TMEM234: variants seen among roughly 807,000 people sequenced by gnomAD.
The protein encoded by TMEM234 is transmembrane protein 234, also known as chromosome 1 open reading frame 91.
A neutral mutation model predicts 17.8 loss-of-function variants in TMEM234; 21 were observed. The ratio of observed to expected loss-of-function variants is 1.18; its 90% CI spans 0.84 to 1.70. TMEM234 has a LOEUF of 1.70. Ranked by LOEUF, TMEM234 falls within the 40% of genes most tolerant of loss-of-function variation. The pLI, the probability that TMEM234 is intolerant of heterozygous loss-of-function variation, is 0.00. For missense variants in TMEM234, 137 were observed against 166.9 expected (o/e 0.82, Z 0.99); for synonymous variants, 83 against 73.5 (o/e 1.13, Z -0.66).
intron 3 of TMEM234, among the ~76,000 whole-genome samples, chr1:32,217,752 A>G (rs1569805123): frequency 2.0e-5 from 3 of 152,224 alleles, no homozygotes; most frequent in African/African-American, 4.8e-5. Context: ...CTTTGTGTAC[A>G]TATCTCAGTT....
rs79700000 is a variant in TMEM234 at position 32,217,346 on chromosome 1, T to A, written c.241A>T (p.Thr81Ser). ...YYLTLASTDL[T>S]LAVPICNSLA... Reference sequence around the variant, plus strand: ...GAGTTACAGATGGGCACAGCCAGGGTCAGATCTGGGTGGTCAGAATGAAAA... The same window carrying A: ...GAGTTACAGATGGGCACAGCCAGGGACAGATCTGGGTGGTCAGAATGAAAA... The change falls in exon 4 of 5, where the codon ACC becomes TCC. Residue 81 changes from threonine (T) to serine (S), a missense_variant. Transcript: ENST00000309777. 1.1e-5 allele frequency: 18 copies of A among 1,608,998 alleles called. No homozygotes were observed. The highest frequency in any genetic ancestry group is 5.3e-5 in the African/African-American group (4 of 74,832).
At chr1:32,220,048 A>G (rs1194481598) in intron 3 of TMEM234, among the ~76,000 whole-genome samples, 1 of 152,190 alleles carries the variant, frequency 6.6e-6, no homozygotes, top group Non-Finnish European at 1.5e-5. Flanking sequence ...AGAACCTAAA[A>G]CTGCAATTTG....
At chr1:32,220,993 A>G (rs3738001) in intron 3 of TMEM234, 138 bp downstream of exon 3, 92,580 of 662,846 alleles carry the variant, frequency 0.14, 11,467 homozygotes, top group African/African-American at 0.48. Context: ...AGAGAAGAGG[A>G]TAGTAAGAGG....
At position 32,216,732 on chromosome 1, in the gene TMEM234, C is replaced by A; in HGVS notation, c.*121G>T. ...TGATCCATGAGGTAGCTGTTATCCC[C>A]ATAAGAGAGGAGGAAGCTAAGGCCA... is the stretch of plus-strand genomic sequence containing the variant. On this transcript the variant is annotated 3_prime_UTR_variant, in exon 5 of 5. Coordinates refer to ENST00000309777, the MANE Select transcript of TMEM234 (RefSeq NM_019118.5). The A allele has an allele frequency of 6.6e-7, 1 of 1,516,204 alleles. No homozygotes were observed. Among genetic ancestry groups the A allele is most frequent in the East Asian group, 2.4e-5 (1 of 40,922 alleles). 93.9% of individuals were successfully genotyped at this position (1,516,204 alleles called of 1,614,324 possible). A position where few individuals can be genotyped will look rare whatever the true frequency, so the allele number is the denominator to read the frequency against.
At position 32,216,708 on chromosome 1, in the gene TMEM234, G is replaced by A; in HGVS notation, c.*145C>T. On this transcript the variant is annotated 3_prime_UTR_variant, in exon 5 of 5. Coordinates refer to ENST00000309777, the MANE Select transcript of TMEM234 (RefSeq NM_019118.5). ...TCTTTCACTCTTGTTCTCTTATTGT[G>A]ATCCATGAGGTAGCTGTTATCCCCA... The A allele has an allele frequency of 6.7e-7, 1 of 1,497,294 alleles. No individual in the cohort carries two copies. 92.8% of individuals were successfully genotyped at this position (1,497,294 alleles called of 1,614,324 possible). A position where few individuals can be genotyped will look rare whatever the true frequency, so the allele number is the denominator to read the frequency against.
chr1:32,214,727 C>G (rs1159389862), downstream of TMEM234: 6 of 1,592,826 alleles, frequency 3.8e-6, no homozygotes, highest in Non-Finnish European at 5.1e-6. Context: ...CTCTCTGAAG[C>G]CTGAACTGGG....
chr1:32,218,631 C>T (rs1213812125), intron 3 of TMEM234, among the ~76,000 whole-genome samples: 2 of 151,894 alleles, frequency 1.3e-5, no homozygotes, highest in African/African-American at 4.8e-5. Context: ...GGAGAAACCC[C>T]GTCTCTACTG....
At chr1:32,217,460 C>T (rs1226778763) in intron 3 of TMEM234, 109 bp from the exon 4 acceptor site, 2 of 1,557,636 alleles carry the variant, frequency 1.3e-6, no homozygotes, top group Admixed American at 3.9e-5. Context: ...ATCAAAACCC[C>T]ATCTTCCAGA....
At chr1:32,219,112 CAA>C (rs59104994) in intron 3 of TMEM234, among the ~76,000 whole-genome samples, 14 of 71,788 alleles carry the variant, frequency 2.0e-4, no homozygotes, top group Non-Finnish European at 1.9e-4. Flanking sequence ...AATGCCGTCT[CAA>C]AAAAAAAAAA....
chr1:32,215,979 GAGCC>G, downstream of TMEM234: 1 of 1,203,810 alleles, frequency 8.3e-7, no homozygotes, highest in Non-Finnish European at 1.2e-6. Context: ...TGTTCCTCAG[GAGCC>G]AGCACCTCCG....
At chr1:32,221,236 G>A in intron 2 of TMEM234, 39 bp from the exon 3 acceptor site, 1 of 1,525,016 alleles carries the variant, frequency 6.6e-7, no homozygotes, top group Non-Finnish European at 9.1e-7. Flanking sequence ...GTGATGGCCT[G>A]ACTGAGCAGC....
intron 1 of TMEM234, 101 bp downstream of exon 1, chr1:32,222,206 G>C (rs757554382): frequency 2.8e-5 from 42 of 1,505,016 alleles, no homozygotes; most frequent in Non-Finnish European, 3.6e-5. Context: ...CCGGCCTCTG[G>C]GGTTGTAGCA....
chr1:32,216,489 T>C lies in TMEM234; in HGVS notation c.*364A>G, dbSNP rs1326360286. On this transcript the variant is annotated 3_prime_UTR_variant, in exon 5 of 5. Transcript: ENST00000309777. ...CAAAGTCTGCAGCTGGCCCTTTCCA[T>C]GCAGCTGGAGTTCTGCAGTCCATGG... 5.2e-6 allele frequency: 8 copies of C among 1,551,570 alleles called. No homozygotes were observed. Among genetic ancestry groups the C allele is most frequent in the East Asian group, 2.4e-5 (1 of 40,922 alleles).
Position 32,216,928 on chromosome 1 carries a change from CACCATGCCAGCA to C in TMEM234, c.336_347del (p.Ala113_Val116del), listed in dbSNP as rs750470528. 21 of 1,614,186 alleles carry C rather than the reference CACCATGCCAGCA, an allele frequency of 1.3e-5. No individual in the cohort carries two copies. Among genetic ancestry groups the C allele is most frequent in the Non-Finnish European group, 1.8e-5 (21 of 1,180,038 alleles). ...AGAGTGAAATTCCTATCACGGTGAG[CACCATGCCAGCA>C]ACTGCTCCTGGGATAATAGGCAGAA... is the stretch of plus-strand genomic sequence containing the variant. On this transcript the variant is annotated inframe_deletion, in exon 5 of 5. Coordinates refer to ENST00000309777, the MANE Select transcript of TMEM234 (RefSeq NM_019118.5).
chr1:32,217,228 T>C, intron 4 of TMEM234, 31 bp downstream of exon 4: 1 of 1,614,218 alleles, frequency 6.2e-7, no homozygotes, highest in Admixed American at 1.7e-5. Flanking sequence ...TCCACAGAGC[T>C]GCGTCCCGCA....
At chr1:32,216,975 G>T (rs1638442634) in intron 4 of TMEM234, 28 bp from the exon 5 acceptor site, 1 of 1,614,038 alleles carries the variant, frequency 6.2e-7, no homozygotes, top group Non-Finnish European at 8.5e-7. Flanking sequence ...AATCAGGAGG[G>T]TCTGAGCTCA....
intron 4 of TMEM234, 132 bp from the exon 5 acceptor site, chr1:32,217,079 C>T (rs1396608790): frequency 6.4e-7 from 1 of 1,565,986 alleles, no homozygotes. Context: ...TTTCTCCAGA[C>T]TGTCCAGGGG....
rs759208714 is a variant in TMEM234 at position 32,217,021 on chromosome 1, A to G, written c.329-74T>C. 15 of 1,605,270 alleles carry G rather than the reference A, an allele frequency of 9.3e-6. No individual in the cohort carries two copies. The East Asian group carries it at 2.7e-4, about 29-fold the overall frequency. On this transcript the variant is annotated intron_variant, in intron 4 of 4. Coordinates refer to ENST00000309777, the MANE Select transcript of TMEM234 (RefSeq NM_019118.5). The stretch of plus-strand genomic sequence containing the variant: ...TAGGAGCTGGTACAGGGCTGGAGGA[A>G]GGGCTCAGATGGGGTCTGGTCTTCA...
downstream of TMEM234, chr1:32,215,583 G>C (rs1023527246): frequency 6.3e-7 from 1 of 1,587,762 alleles, no homozygotes. Context: ...TGGGGTGGGA[G>C]GAGCTCTGAG....
Sources: gnomAD v4.1 joint callset for allele counts (sites outside exome capture counted in the v4.1 genomes callset) on GRCh38, gnomAD v4.1.1 for gene constraint, MANE v1.5 for transcripts, NCBI Gene and HGNC (gene_info 2026-07-23, HGNC 2026-07-21) for gene names.